The following BMP1 variants were observed in gnomAD, a reference collection of about 807,000 sequenced individuals.
BMP1 encodes the protein mammalian tolloid protein.
A neutral mutation model predicts 116.8 loss-of-function variants in BMP1; 63 were observed. The observed-to-expected ratio is 0.54, with a 90% CI of 0.44 to 0.67. The LOEUF is 0.67. BMP1 is among the 30% of genes least tolerant of loss of function. The pLI is 0.00. For synonymous variants in BMP1, 536 were observed against 533.4 expected (o/e 1.00, Z -0.07); for missense variants, 1,183 against 1,358.9 (o/e 0.87, Z 2.04).
At chr8:22,193,377 T>C (rs1469746499) in intron 9 of BMP1, among the ~76,000 whole-genome samples, 1 of 152,268 alleles carries the variant, frequency 6.6e-6, no homozygotes, top group Non-Finnish European at 1.5e-5. Context: ...TTTCTGATTT[T>C]ATTTCTTATT....
intron 16 of BMP1, among the ~76,000 whole-genome samples, chr8:22,206,282 T>A (rs941158980): frequency 9.9e-5 from 15 of 151,678 alleles, no homozygotes; most frequent in Admixed American, 1.3e-4. Context: ...TGGGTAGATC[T>A]CCTGAGGTCG....
At chr8:22,170,041 A>G (rs554270899) in intron 1 of BMP1, 46 of 152,614 alleles carry the variant, frequency 3.0e-4, no homozygotes, top group Non-Finnish European at 6.4e-4. Context: ...CAGAGCCCCA[A>G]GGCCCAGCTC....
chr8:22,173,494 G>A lies in BMP1; in HGVS notation c.149-108G>A, dbSNP rs567376637. 1.8e-4 allele frequency: 122 copies of A among 664,640 alleles called. 1 individual carries two copies. The highest frequency in any genetic ancestry group is 1.3e-3 in the South Asian group (60 of 45,602). 41.2% of individuals were successfully genotyped at this position (664,640 alleles called of 1,614,324 possible). Reference sequence around the variant, plus strand: ...CAGATGGCATTTGAGGATCACAGTCGCTGTGGAGGTTGGGGGCTGGTGCCC... The same window carrying A: ...CAGATGGCATTTGAGGATCACAGTCACTGTGGAGGTTGGGGGCTGGTGCCC... On this transcript the variant is annotated intron_variant, in intron 1 of 19. Coordinates refer to ENST00000306385, the MANE Select transcript of BMP1 (RefSeq NM_006129.5).
At chr8:22,186,404 C>T (rs1317318023) in intron 8 of BMP1, among the ~76,000 whole-genome samples, 11 of 152,294 alleles carry the variant, frequency 7.2e-5, no homozygotes, top group African/African-American at 2.2e-4. Flanking sequence ...AGCTGTGCCA[C>T]GTACTGGCTG....
chr8:22,208,200 A>G (rs1003678865), intron 18 of BMP1, among the ~76,000 whole-genome samples: 1 of 152,190 alleles, frequency 6.6e-6, no homozygotes, highest in Admixed American at 6.5e-5. Context: ...CCTGATACTT[A>G]TTGACATGTA....
chr8:22,198,257 A>G (rs1370806809), intron 15 of BMP1, among the ~76,000 whole-genome samples: 3 of 152,368 alleles, frequency 2.0e-5, no homozygotes, highest in East Asian at 1.9e-4. Flanking sequence ...GCGGGAACTC[A>G]GATCCAATTA....
intron 8 of BMP1, among the ~76,000 whole-genome samples, chr8:22,185,574 A>C (rs1400286436): frequency 2.0e-5 from 3 of 152,158 alleles, no homozygotes; most frequent in Non-Finnish European, 4.4e-5. Flanking sequence ...ATCCGCCCTC[A>C]TTCCCATCCC....
chr8:22,186,083 GC>G (rs1828764197), intron 8 of BMP1, among the ~76,000 whole-genome samples: 1 of 152,040 alleles, frequency 6.6e-6, no homozygotes, highest in Non-Finnish European at 1.5e-5. Flanking sequence ...CGATCCGCCA[GC>G]CTGGGCCTCT....
chr8:22,180,560 G>A (rs1470631245), intron 8 of BMP1, 77 bp downstream of exon 8: 2 of 1,324,506 alleles, frequency 1.5e-6, no homozygotes, highest in African/African-American at 1.5e-5. Flanking sequence ...CCACAGTGGG[G>A]GTCAATATGG....
At position 22,206,882 on chromosome 8, in the gene BMP1, C is replaced by G. The variant is rs560341393; in HGVS notation, c.2262C>G (p.Thr754=). The G allele has an allele frequency of 6.2e-7, 1 of 1,614,182 alleles. No homozygotes were observed. Among genetic ancestry groups the G allele is most frequent in the Non-Finnish European group, 8.5e-7 (1 of 1,180,012 alleles). Residue 754 remains threonine, a synonymous_variant, in exon 17 of 20, where the codon ACC becomes ACG. Transcript: ENST00000306385. ...GCTGTGACCACAAGGTGACATCCAC[C>G]AGTGGTACCATCACCAGCCCCAACT... is the stretch of plus-strand genomic sequence containing the variant. The part of the protein sequence containing the change: ...EAGCDHKVTS[T]SGTITSPNWP...
chr8:22,183,801 C>T (rs1380350011), intron 8 of BMP1, among the ~76,000 whole-genome samples: 1 of 152,066 alleles, frequency 6.6e-6, no homozygotes, highest in African/African-American at 2.4e-5. Context: ...GTCTCGAACT[C>T]CCGACCTGAG....
intron 8 of BMP1, among the ~76,000 whole-genome samples, chr8:22,191,144 G>C (rs1050879012): frequency 1.2e-4 from 18 of 152,208 alleles, no homozygotes; most frequent in African/African-American, 4.3e-4. Flanking sequence ...AGCCTGAAAT[G>C]AGGTGCTCAG....
intron 1 of BMP1, among the ~76,000 whole-genome samples, chr8:22,167,704 C>G (rs974058301): frequency 6.6e-6 from 1 of 152,132 alleles, no homozygotes; most frequent in Non-Finnish European, 1.5e-5. Flanking sequence ...GGCGCTGGGC[C>G]AGGGCTGGGG....
intron 17 of BMP1, 124 bp downstream of exon 17, chr8:22,207,105 G>T: frequency 6.7e-7 from 1 of 1,484,382 alleles, no homozygotes; most frequent in South Asian, 1.3e-5. Flanking sequence ...CCCAAGTCTG[G>T]CCTGGACAGA....
chr8:22,202,285 C>T (rs994716048), intron 16 of BMP1, among the ~76,000 whole-genome samples: 4 of 152,216 alleles, frequency 2.6e-5, no homozygotes, highest in African/African-American at 9.6e-5. Context: ...AGCCAGGTGG[C>T]CTGGCCCAGC....
intron 6 of BMP1, 149 bp downstream of exon 6, chr8:22,178,106 G>C: frequency 1.5e-6 from 1 of 660,486 alleles, no homozygotes; most frequent in South Asian, 1.9e-5. Context: ...CAGAGGGTCC[G>C]TGGATGTTGC....
chr8:22,201,001 C>CCCCCCCCCCCCAA, intron 15 of BMP1: 1 of 371,506 alleles, frequency 2.7e-6, no homozygotes, highest in South Asian at 2.2e-5. Flanking sequence ...CCGCCCCACC[C>CCCCCCCCCCCCAA]TGCCCCTCAG....
chr8:22,184,402 C>CT (rs981446331), intron 8 of BMP1, among the ~76,000 whole-genome samples: 9 of 152,310 alleles, frequency 5.9e-5, no homozygotes, highest in Middle Eastern at 3.4e-3. Flanking sequence ...GACTCCTGTC[C>CT]TTTTTTTCAG....
At chr8:22,204,677 C>T (rs1349385455) in intron 16 of BMP1, among the ~76,000 whole-genome samples, 26 of 152,172 alleles carry the variant, frequency 1.7e-4, no homozygotes, top group Admixed American at 3.3e-4. Context: ...GAGCCAGGAT[C>T]GCGCCACTTC....
Sources: allele counts gnomAD v4.1 joint callset (sites outside exome capture counted in the v4.1 genomes callset), GRCh38; gene constraint gnomAD v4.1.1; transcripts MANE v1.5; gene names NCBI Gene and HGNC (gene_info 2026-07-23, HGNC 2026-07-21).